KCNIP4: variants seen among roughly 807,000 people sequenced by gnomAD.
KCNIP4 encodes the protein potassium voltage-gated channel interacting protein 4, also known as Kv channel-interacting protein 4.
KCNIP4 carries 12 observed loss-of-function variants against 34.0 expected under a neutral mutation model. The ratio of observed to expected loss-of-function variants is 0.35; its 90% confidence interval spans 0.23 to 0.57. The LOEUF (loss-of-function observed/expected upper bound fraction) is 0.57, where lower values mean the gene tolerates loss of function less well. Among genes scored for constraint, KCNIP4 ranks in the 20% least tolerant of loss-of-function variants. The pLI is 0.83. For missense variants in KCNIP4, 238 were observed against 311.7 expected (o/e 0.76, Z 1.78); for synonymous variants, 124 against 102.2 (o/e 1.21, Z -1.29).
intron 1 of KCNIP4, among the ~76,000 whole-genome samples, chr4:21,224,054 G>A (rs924835043): frequency 4.6e-5 from 7 of 152,020 alleles, no homozygotes; most frequent in Admixed American, 6.6e-5. Context: ...GCCTACATCT[G>A]GATTCCCTCT....
chr4:20,929,626 TATG>T (rs200900440), intron 1 of KCNIP4, among the ~76,000 whole-genome samples: 27,751 of 151,726 alleles, frequency 0.18, 3,056 homozygotes, highest in East Asian at 0.47. Context: ...TATAATCCCT[TATG>T]TAGAAAACCC....
intron 1 of KCNIP4, among the ~76,000 whole-genome samples, chr4:21,233,024 A>C (rs571183809): frequency 1.3e-5 from 2 of 152,170 alleles, no homozygotes; most frequent in Non-Finnish European, 2.9e-5. Flanking sequence ...CAGAGACAAG[A>C]AGCATTCCAG....
intron 3 of KCNIP4, among the ~76,000 whole-genome samples, chr4:20,831,204 G>A (rs1032889786): frequency 2.0e-5 from 3 of 147,692 alleles, no homozygotes; most frequent in Admixed American, 6.8e-5. Context: ...ATAATCATCT[G>A]TTTACATTTC....
chr4:21,535,101 G>A (rs1328549713), intron 1 of KCNIP4, among the ~76,000 whole-genome samples: 1 of 151,600 alleles, frequency 6.6e-6, no homozygotes, highest in African/African-American at 2.4e-5. Context: ...ACACTACTTA[G>A]TCTGTAAGCA....
intron 1 of KCNIP4, among the ~76,000 whole-genome samples, chr4:21,757,899 G>A (rs865897933): frequency 3.3e-5 from 5 of 152,184 alleles, no homozygotes; most frequent in South Asian, 2.1e-4. Flanking sequence ...TATAGTCCAT[G>A]CAGATGAAAA....
intron 1 of KCNIP4, among the ~76,000 whole-genome samples, chr4:21,308,624 C>G (rs147075969): frequency 2.9e-4 from 44 of 152,208 alleles, no homozygotes; most frequent in Admixed American, 2.8e-3. Context: ...ATAAGTAACC[C>G]AACACTTGAT....
intron 1 of KCNIP4, among the ~76,000 whole-genome samples, chr4:21,685,688 C>G (rs114535367): frequency 1.3e-5 from 2 of 152,172 alleles, no homozygotes; most frequent in Admixed American, 1.3e-4. Flanking sequence ...TGAGATGTAA[C>G]GTGTCTATGA....
chr4:21,468,039 C>G (rs1041955979), intron 1 of KCNIP4, among the ~76,000 whole-genome samples: 1 of 152,084 alleles, frequency 6.6e-6, no homozygotes, highest in Non-Finnish European at 1.5e-5. Context: ...TTGAGAGTAA[C>G]CCTTAGGGCA....
chr4:20,953,557 C>G (rs1368996747), intron 1 of KCNIP4, among the ~76,000 whole-genome samples: 1 of 152,090 alleles, frequency 6.6e-6, no homozygotes, highest in African/African-American at 2.4e-5. Context: ...TGGTGGACAT[C>G]TGTGGTCCCG....
chr4:20,730,361 C>T (rs1747736970), intron 8 of KCNIP4, among the ~76,000 whole-genome samples: 1 of 152,104 alleles, frequency 6.6e-6, no homozygotes, highest in Admixed American at 6.6e-5. Flanking sequence ...AGGCATTAAA[C>T]CACTTTATTT....
chr4:21,796,068 C>G (rs755904503), intron 1 of KCNIP4, among the ~76,000 whole-genome samples: 3 of 152,120 alleles, frequency 2.0e-5, no homozygotes, highest in Admixed American at 6.6e-5. Flanking sequence ...GACTCTGTCT[C>G]AATCAATCAA....
intron 1 of KCNIP4, among the ~76,000 whole-genome samples, chr4:21,627,493 C>T (rs1429476108): frequency 6.6e-6 from 1 of 152,056 alleles, no homozygotes; most frequent in Admixed American, 6.6e-5. Context: ...CTGCTTAACA[C>T]ATTAGCTGTT....
At position 21,339,087 on chromosome 4, in the gene KCNIP4, A is replaced by G. The variant is rs547858014; in HGVS notation, c.62-456378T>C. Among the ~76,000 whole-genome samples the G allele has an allele frequency of 6.6e-5, 10 of 152,246 alleles. No individual in the cohort carries two copies. The East Asian group carries it at 9.7e-4, about 15-fold the overall frequency. On this transcript the variant is annotated intron_variant, in intron 1 of 8. Transcript: ENST00000382152. ...TCCTTGATTCCTACCAGGATCCACA[A>G]TGGGATTGCTCTTAAATAGGCAAGT... is the stretch of plus-strand genomic sequence containing the variant.
rs537249320 is a variant in KCNIP4 at position 21,015,640 on chromosome 4, TATA to T, written c.62-132934_62-132932del. Reference sequence around the variant, plus strand: ...AATATAGTATATTGTATTAATATAATATAATATAGTATATTGTATTAATATAAT... The same window carrying T: ...AATATAGTATATTGTATTAATATAATATATAGTATATTGTATTAATATAAT... On this transcript the variant is annotated intron_variant, in intron 1 of 8. Transcript: ENST00000382152. Among the ~76,000 whole-genome samples the T allele has an allele frequency of 2.5e-5, 3 of 119,108 alleles. No individual in the cohort carries two copies. In the East Asian group the frequency reaches 6.1e-4, roughly 24 times the overall value. The allele number at this position is 119,108 out of a possible 152,430, so 78.1% of individuals were successfully genotyped here. A position where few individuals can be genotyped will look rare whatever the true frequency, so the allele number is the denominator to read the frequency against.
chr4:20,816,260 A>G (rs1716370210), intron 3 of KCNIP4, among the ~76,000 whole-genome samples: 1 of 151,950 alleles, frequency 6.6e-6, no homozygotes, highest in Non-Finnish European at 1.5e-5. Flanking sequence ...TCTCAAAAAA[A>G]AAAAAAAAAA....
intron 1 of KCNIP4, among the ~76,000 whole-genome samples, chr4:21,670,946 G>A (rs188253887): frequency 2.1e-4 from 32 of 151,528 alleles, no homozygotes; most frequent in East Asian, 1.9e-4. Flanking sequence ...GTGAGCCACC[G>A]CGCCGGGCTG....
intron 1 of KCNIP4, among the ~76,000 whole-genome samples, chr4:21,400,812 G>C (rs903852690): frequency 6.6e-6 from 1 of 152,086 alleles, no homozygotes; most frequent in South Asian, 2.1e-4. Flanking sequence ...TTGTAGGTGA[G>C]AGAACGAATG....
intron 1 of KCNIP4, among the ~76,000 whole-genome samples, chr4:20,961,341 C>T (rs547484341): frequency 3.3e-5 from 5 of 152,202 alleles, no homozygotes; most frequent in Admixed American, 6.5e-5. Context: ...AGCCACCATC[C>T]TAATGTTCTA....
rs542709093 is a variant in KCNIP4, at chr4:20,911,081, G to A, written c.62-28372C>T. Among the ~76,000 whole-genome samples the A allele has an allele frequency of 5.3e-5, 8 of 152,262 alleles. No homozygotes were observed. In the South Asian group the frequency reaches 1.7e-3, roughly 32 times the overall value. Reference sequence around the variant, plus strand: ...ACATAAGAGAAACCATAATCAGACAGATTATGAGAAAAGTGAAACAAATCT... The same window carrying A: ...ACATAAGAGAAACCATAATCAGACAAATTATGAGAAAAGTGAAACAAATCT... On this transcript the variant is annotated intron_variant, in intron 1 of 8. Coordinates refer to ENST00000382152, the MANE Select transcript of KCNIP4 (RefSeq NM_025221.6).
Sources: gnomAD v4.1 joint callset for allele counts (sites outside exome capture counted in the v4.1 genomes callset) on GRCh38, gnomAD v4.1.1 for gene constraint, MANE v1.5 for transcripts, NCBI Gene and HGNC (gene_info 2026-07-23, HGNC 2026-07-21) for gene names.